CACNA1B: variants seen among roughly 807,000 people sequenced by gnomAD.
CACNA1B encodes the protein calcium voltage-gated channel subunit alpha1 B.
Under a neutral mutation model 247.2 loss-of-function variants are expected in CACNA1B, and 70 were observed. That is an observed-to-expected ratio of 0.28 (90% CI 0.23 to 0.35). CACNA1B has a LOEUF of 0.35. Among genes scored for constraint, CACNA1B ranks in the 10% least tolerant of loss-of-function variants. CACNA1B has a pLI of 1.00. For missense variants in CACNA1B, 2,367 were observed against 3,197.4 expected, an observed-to-expected ratio of 0.74 and a Z score of 6.26; for synonymous variants, 1,231 against 1,294.4, an observed-to-expected ratio of 0.95 and a Z score of 1.05.
In CACNA1B at chr9:137,906,312, G is replaced by A. The variant is rs545078452; in HGVS notation, c.531-6868G>A. On this transcript the variant is annotated intron_variant, in intron 3 of 46. Transcript: ENST00000371372. Reference sequence around the variant, plus strand: ...GACATTTCAGGATTTGTCAGAGAGCGTCCTGGTGCCTGGGAGACAGAAAAG... The same window carrying A: ...GACATTTCAGGATTTGTCAGAGAGCATCCTGGTGCCTGGGAGACAGAAAAG... 6.6e-5 allele frequency among the ~76,000 whole-genome samples: 10 copies of A among 152,310 alleles called. No homozygotes were observed. The South Asian group carries it at 8.3e-4, about 13-fold the overall frequency.
In CACNA1B at chr9:137,944,199, CAAG is replaced by C. The variant is rs143885253; in HGVS notation, c.967-8071_967-8069del. On this transcript the variant is annotated intron_variant, in intron 6 of 46. Transcript: ENST00000371372. The stretch of plus-strand genomic sequence containing the variant: ...TTGTTATACATCATGAAAGCAATAT[CAAG>C]AAGCTGATTTTGATTAGTTTGTGGG... Among the ~76,000 whole-genome samples the C allele has an allele frequency of 9.9e-3, 1,500 of 152,206 alleles. 32 individuals are homozygous for C. Among genetic ancestry groups the C allele is most frequent in the African/African-American group, 0.034 (1,405 of 41,512 alleles).
chr9:138,004,401 T>A (rs1381846476), intron 15 of CACNA1B, among the ~76,000 whole-genome samples: 1 of 151,434 alleles, frequency 6.6e-6, no homozygotes, highest in Non-Finnish European at 1.5e-5. Context: ...ATACAAAAAA[T>A]TAGCTGGGCA....
At chr9:137,979,369 G>T (rs1958267208) in intron 12 of CACNA1B, among the ~76,000 whole-genome samples, 1 of 152,152 alleles carries the variant, frequency 6.6e-6, no homozygotes, top group East Asian at 1.9e-4. Context: ...CTCTCCACAG[G>T]CTGCCGGAGT....
chr9:137,969,163 G>A (rs142078647), intron 10 of CACNA1B, among the ~76,000 whole-genome samples: 30 of 152,318 alleles, frequency 2.0e-4, no homozygotes, highest in African/African-American at 7.2e-4. Flanking sequence ...GGGATGTGAG[G>A]GGCTGCACCC....
chr9:137,943,318 A>G (rs779607574), intron 6 of CACNA1B, among the ~76,000 whole-genome samples: 13 of 152,138 alleles, frequency 8.5e-5, no homozygotes, highest in Non-Finnish European at 1.8e-4. Context: ...TTAGAGTTTG[A>G]TTAGCTCTTT....
intron 10 of CACNA1B, among the ~76,000 whole-genome samples, chr9:137,968,783 G>C (rs1243058586): frequency 6.6e-6 from 1 of 152,226 alleles, no homozygotes; most frequent in Admixed American, 6.5e-5. Flanking sequence ...AGAAATCTAA[G>C]TATTTGCAGC....
chr9:138,008,376 C>A (rs1958681167), intron 16 of CACNA1B, among the ~76,000 whole-genome samples: 1 of 152,230 alleles, frequency 6.6e-6, no homozygotes, highest in East Asian at 1.9e-4. Context: ...TGCTGGATCC[C>A]AAGGGGCATG....
intron 23 of CACNA1B, among the ~76,000 whole-genome samples, chr9:138,047,959 A>G (rs1023682132): frequency 9.9e-5 from 15 of 152,164 alleles, no homozygotes; most frequent in Admixed American, 3.3e-4. Flanking sequence ...GGTCCCCCAT[A>G]TCACTGACTA....
intron 6 of CACNA1B, among the ~76,000 whole-genome samples, chr9:137,947,593 G>A (rs891445974): frequency 2.0e-5 from 3 of 151,794 alleles, no homozygotes; most frequent in Non-Finnish European, 4.4e-5. Context: ...TCTGTTTAGA[G>A]ACCTTTCATT....
rs202023828 is a variant in CACNA1B, at chr9:138,122,071, C to T, written c.*72C>T. ...CAGTGGATGAGTTTTATCATCCACA[C>T]GGGGCAGCCGGCCCTCGGGGGAGGC... On this transcript the variant is annotated 3_prime_UTR_variant, in exon 47 of 47. Transcript: ENST00000371372. 336 of 1,383,202 alleles carry T rather than the reference C, an allele frequency of 2.4e-4. No homozygotes were observed. The highest frequency in any genetic ancestry group is 2.9e-4 in the African/African-American group (20 of 69,422). The allele number at this position is 1,383,202 out of a possible 1,614,324, so 85.7% of individuals were successfully genotyped here. A position where few individuals can be genotyped will look rare whatever the true frequency, so the allele number is the denominator to read the frequency against.
rs773738679 is a variant in CACNA1B, at chr9:138,052,131, G to T, written c.3750G>T (p.Leu1250=). Residue 1250 remains leucine (L), a synonymous_variant, in exon 25 of 47, where the codon CTG becomes CTT. Transcript: ENST00000371372. The surrounding 1 kb of genome is among the most constrained non-coding windows in gnomAD (Gnocchi z 5.1). ...KGKDINTIKS[L]RVLRVLRPLK... is the part of the protein sequence containing the mutation. Reference sequence around the variant, plus strand: ...AAGACATCAATACCATCAAGTCTCTGAGAGTCCTTCGTGTCCTGCGGCCCC... The same window carrying T: ...AAGACATCAATACCATCAAGTCTCTTAGAGTCCTTCGTGTCCTGCGGCCCC... The T allele has an allele frequency of 1.2e-6, 2 of 1,612,612 alleles. No homozygotes were observed. The highest frequency in any genetic ancestry group is 2.2e-5 in the East Asian group (1 of 44,864).
chr9:138,121,435 T>TTTA lies in CACNA1B; in HGVS notation c.6490-34_6490-33insTTA. On this transcript the variant is annotated intron_variant, in intron 46 of 46. Coordinates refer to ENST00000371372, the MANE Select transcript of CACNA1B (RefSeq NM_000718.4). This position sits in a 1 kb window ranked among gnomAD's most constrained non-coding sequence, Gnocchi z 6.8. ...GGTTCGGCTTTTTTTTTTTTTTTTT[T>TTTA]ACCTCTGATTTGTTCTGGTCCATTT... 1.6e-6 allele frequency: 2 copies of TTTA among 1,249,662 alleles called. No homozygotes were observed. Among genetic ancestry groups the TTTA allele is most frequent in the Non-Finnish European group, 2.1e-6 (2 of 932,182 alleles). The allele number at this position is 1,249,662 out of a possible 1,614,324, so 77.4% of individuals were successfully genotyped here. A position where few individuals can be genotyped will look rare whatever the true frequency, so the allele number is the denominator to read the frequency against.
chr9:138,005,850 T>C (rs1209746133), intron 15 of CACNA1B, among the ~76,000 whole-genome samples: 1 of 152,156 alleles, frequency 6.6e-6, no homozygotes, highest in Non-Finnish European at 1.5e-5. Context: ...GAGACCATCC[T>C]GGCTAATGCG....
chr9:137,979,918 G>A (rs1342258273), intron 12 of CACNA1B, among the ~76,000 whole-genome samples: 1 of 152,216 alleles, frequency 6.6e-6, no homozygotes, highest in African/African-American at 2.4e-5. Flanking sequence ...GGGACACCAG[G>A]AAGCTGAGCC....
Position 138,102,631 on chromosome 9 carries a change from C to T in CACNA1B, c.5223-80C>T. Reference sequence around the variant, plus strand: ...CTTCCTCCCTGCCCCTACCCCGCTCCCCTCCCCGCTCCCCTCCTGCTGCCG... The same window carrying T: ...CTTCCTCCCTGCCCCTACCCCGCTCTCCTCCCCGCTCCCCTCCTGCTGCCG... On this transcript the variant is annotated intron_variant, in intron 37 of 46. Transcript: ENST00000371372. The surrounding 1 kb of genome is among the most constrained non-coding windows in gnomAD (Gnocchi z 5.4). The T allele has an allele frequency of 1.5e-6, 1 of 675,600 alleles. No homozygotes were observed. The highest frequency in any genetic ancestry group is 1.9e-5 in the South Asian group (1 of 52,110). The allele number at this position is 675,600 out of a possible 1,614,324, so 41.9% of individuals were successfully genotyped here.
intron 18 of CACNA1B, 146 bp from the exon 19 acceptor site, chr9:138,022,865 G>C: frequency 9.1e-7 from 1 of 1,093,740 alleles, no homozygotes; most frequent in Non-Finnish European, 1.2e-6. Context: ...CCTGATCCGC[G>C]TCCCCCGAGG....
At chr9:138,091,919 C>T (rs759810854) in intron 36 of CACNA1B, among the ~76,000 whole-genome samples, 1 of 152,116 alleles carries the variant, frequency 6.6e-6, no homozygotes, top group Non-Finnish European at 1.5e-5. Context: ...GCTGGGCCTC[C>T]GGGGGTGACA....
chr9:138,116,717 G>A (rs1057240880), intron 42 of CACNA1B, among the ~76,000 whole-genome samples: 11 of 152,308 alleles, frequency 7.2e-5, no homozygotes, highest in Non-Finnish European at 1.2e-4. Flanking sequence ...GCCATTTAGT[G>A]AGCGGGTTGA....
intron 6 of CACNA1B, among the ~76,000 whole-genome samples, chr9:137,929,325 G>C (rs1027497567): frequency 1.3e-5 from 2 of 152,158 alleles, no homozygotes; most frequent in African/African-American, 4.8e-5. Flanking sequence ...AGGCTGAGGT[G>C]GGAGGATCAC....
Sources: allele counts gnomAD v4.1 joint callset (sites outside exome capture counted in the v4.1 genomes callset), GRCh38; gene constraint gnomAD v4.1.1; non-coding constraint Gnocchi (gnomAD v3.1); transcripts MANE v1.5; gene names NCBI Gene and HGNC (gene_info 2026-07-23, HGNC 2026-07-21).